TLE5: variants seen among roughly 807,000 people sequenced by gnomAD.
The protein encoded by TLE5 is TLE family member 5.
In TLE5, 7 loss-of-function variants were observed where a neutral mutation model predicts 25.8. The ratio of observed to expected loss-of-function variants is 0.27; its 90% CI spans 0.15 to 0.51. TLE5 has a LOEUF of 0.51. Among genes scored for constraint, TLE5 ranks in the 20% least tolerant of loss-of-function variants. The pLI is 0.97. For missense variants in TLE5, 149 were observed against 250.7 expected (o/e 0.59, Z 2.74); for synonymous variants, 132 against 110.5 (o/e 1.20, Z -1.22).
At chr19:3,060,040 C>T (rs554189864) in intron 2 of TLE5, among the ~76,000 whole-genome samples, 7 of 152,188 alleles carry the variant, frequency 4.6e-5, no homozygotes, top group African/African-American at 1.7e-4. Flanking sequence ...TCGAGATTCC[C>T]CTTTCTACTT....
chr19:3,055,516 G>A (rs1361801340), intron 5 of TLE5, 148 bp downstream of exon 5: 13 of 587,706 alleles, frequency 2.2e-5, no homozygotes, highest in Non-Finnish European at 3.3e-5. Context: ...TGCACAGGCC[G>A]GCTCTGGTGT....
At position 3,062,489 on chromosome 19, in the gene TLE5, C is replaced by T; in HGVS notation, c.-289G>A. ...CGCTATTGTCTAATGGCGGCGACGC[C>T]GGCAGTGGCCGCGGCTCGGCTGCTG... On this transcript the variant is annotated 5_prime_UTR_variant, in exon 1 of 7. Transcript: ENST00000327141. 1.1e-5 allele frequency: 7 copies of T among 623,398 alleles called. No homozygotes were observed. The highest frequency in any genetic ancestry group is 1.4e-5 in the Non-Finnish European group (7 of 502,034). 38.6% of individuals were successfully genotyped at this position (623,398 alleles called of 1,614,324 possible).
chr19:3,057,647 C>A (rs752286739), intron 3 of TLE5, 32 bp downstream of exon 3: 2 of 1,611,140 alleles, frequency 1.2e-6, no homozygotes. Flanking sequence ...CGCCCGCCCC[C>A]AACACTGGAC....
intron 6 of TLE5, 34 bp downstream of exon 6, chr19:3,054,086 T>TCCGGGGGGGGGC: frequency 2.0e-6 from 3 of 1,512,816 alleles, no homozygotes; most frequent in Non-Finnish European, 2.7e-6. Flanking sequence ...GGCCCACCTG[T>TCCGGGGGGGGGC]CCCCCGCCCA....
chr19:3,062,587 G>T (rs1372253867), upstream of TLE5: 1 of 959,280 alleles, frequency 1.0e-6, no homozygotes, highest in Admixed American at 6.0e-5. Context: ...CGCGCGCCCG[G>T]GGAGGCCTGC....
At position 3,062,246 on chromosome 19, in the gene TLE5, C is replaced by G. The variant is rs2090277995; in HGVS notation, c.-46G>C. On this transcript the variant is annotated 5_prime_UTR_variant, in exon 1 of 7. Coordinates refer to ENST00000327141, the MANE Select transcript of TLE5 (RefSeq NM_001130.6). Reference sequence around the variant, plus strand: ...CGGGCTGCGCCCCGGCTGTGCGCCCCGGCTCGGGCTGCTGGGGGCGCCGGG... The same window carrying G: ...CGGGCTGCGCCCCGGCTGTGCGCCCGGGCTCGGGCTGCTGGGGGCGCCGGG... The G allele has an allele frequency of 6.5e-6, 7 of 1,083,210 alleles. No individual in the cohort carries two copies. The South Asian group carries it at 1.7e-4, about 27-fold the overall frequency. The allele number at this position is 1,083,210 out of a possible 1,614,324, so 67.1% of individuals were successfully genotyped here. A position where few individuals can be genotyped will look rare whatever the true frequency, so the allele number is the denominator to read the frequency against.
intron 3 of TLE5, chr19:3,057,437 G>A (rs1056447155): frequency 1.9e-6 from 1 of 539,280 alleles, no homozygotes; most frequent in Non-Finnish European, 3.3e-6. Flanking sequence ...ACAGCCGGGG[G>A]ACCTGGCAGG....
chr19:3,054,086 T>TCCCC, intron 6 of TLE5, 34 bp downstream of exon 6: 2 of 1,512,818 alleles, frequency 1.3e-6, no homozygotes, highest in Admixed American at 2.1e-5. Flanking sequence ...GGCCCACCTG[T>TCCCC]CCCCCGCCCA....
chr19:3,062,651 G>A (rs1168045779), upstream of TLE5: 4 of 1,309,130 alleles, frequency 3.1e-6, no homozygotes, highest in Non-Finnish European at 3.9e-6. Context: ...GTGACCTTGG[G>A]CCCGGCCCGC....
In TLE5 at chr19:3,053,496, G is replaced by C. The variant is rs2090191049; in HGVS notation, c.*323C>G. ...CATGTTCAAAACGGGGGAAGGGCCG[G>C]GGCTGCTGCGCTTCGCGAGGTCTTG... On this transcript the variant is annotated 3_prime_UTR_variant, in exon 7 of 7. Coordinates refer to ENST00000327141, the MANE Select transcript of TLE5 (RefSeq NM_001130.6). The C allele has an allele frequency of 2.3e-6, 1 of 427,778 alleles. No individual in the cohort carries two copies. The highest frequency in any genetic ancestry group is 2.0e-5 in the African/African-American group (1 of 50,116). The allele number at this position is 427,778 out of a possible 1,614,324, so 26.5% of individuals were successfully genotyped here. A position where few individuals can be genotyped will look rare whatever the true frequency, so the allele number is the denominator to read the frequency against.
chr19:3,062,112 G>A, intron 1 of TLE5, 62 bp downstream of exon 1: 1 of 930,712 alleles, frequency 1.1e-6, no homozygotes, highest in Non-Finnish European at 1.4e-6. Context: ...CCGGGAGCCG[G>A]GGGTCGGGGG....
chr19:3,061,480 G>A, intron 1 of TLE5: 1 of 359,098 alleles, frequency 2.8e-6, no homozygotes, highest in South Asian at 3.4e-5. Flanking sequence ...CCCGTCCCCC[G>A]CCACCCCCAG....
Position 3,053,909 on chromosome 19 carries a change from C to T in TLE5, c.504G>A (p.Ala168=), listed in dbSNP as rs149586797. ...TGGAGAGGTGGGCCTGGGAACCCAG[C>T]GCGGACAGCGAGAGGAGGCCGGTGC... ...SAGTGLLSLS[A]LGSQAHLSKE... The change falls in exon 7 of 7, where the codon GCG becomes GCA. Residue 168 remains alanine (A), a synonymous_variant. Coordinates refer to ENST00000327141, the MANE Select transcript of TLE5 (RefSeq NM_001130.6). The T allele has an allele frequency of 3.3e-5, 53 of 1,613,088 alleles. No individual in the cohort carries two copies. The African/African-American group carries it at 4.0e-4, about 12-fold the overall frequency.
At chr19:3,058,869 C>T (rs2090241598) in intron 2 of TLE5, among the ~76,000 whole-genome samples, 1 of 152,142 alleles carries the variant, frequency 6.6e-6, no homozygotes, top group Admixed American at 6.6e-5. Flanking sequence ...GCCATCCCCA[C>T]CCCCTCTCGG....
Position 3,053,889 on chromosome 19 carries a change from A to T in TLE5, c.524T>A (p.Leu175His), listed in dbSNP as rs1409127188. ...SLSALGSQAH[L>H]SKEDKNGHDG... Reference sequence around the variant, plus strand: ...GTGCCCGTTCTTGTCTTCCTTGGAGAGGTGGGCCTGGGAACCCAGCGCGGA... The same window carrying T: ...GTGCCCGTTCTTGTCTTCCTTGGAGTGGTGGGCCTGGGAACCCAGCGCGGA... The change falls in exon 7 of 7, where the codon CTC becomes CAC. Residue 175 changes from leucine to histidine, a missense_variant. Physicochemically the swap from Leu to His is moderately conservative, Grantham distance 99 (BLOSUM62 -3). Transcript: ENST00000327141. 6.2e-7 allele frequency: 1 copy of T among 1,612,726 alleles called. No homozygotes were observed. The highest frequency in any genetic ancestry group is 8.5e-7 in the Non-Finnish European group (1 of 1,179,900).
At position 3,057,313 on chromosome 19, in the gene TLE5, G is replaced by A. The variant is rs2145259842; in HGVS notation, c.189+366C>T. Reference sequence around the variant, plus strand: ...TCGGGCCCAAAGGGGTTAAGCGTGTGGACGCTGGGACCTTGGCGGTGGGGA... The same window carrying A: ...TCGGGCCCAAAGGGGTTAAGCGTGTAGACGCTGGGACCTTGGCGGTGGGGA... On this transcript the variant is annotated intron_variant, in intron 3 of 6. Transcript: ENST00000327141. 1.3e-5 allele frequency: 4 copies of A among 302,414 alleles called. No individual in the cohort carries two copies. The East Asian group carries it at 3.2e-4, about 24-fold the overall frequency. 18.7% of individuals were successfully genotyped at this position (302,414 alleles called of 1,614,324 possible).
chr19:3,061,019 T>G, intron 2 of TLE5, 141 bp downstream of exon 2: 1 of 619,180 alleles, frequency 1.6e-6, no homozygotes, highest in Non-Finnish European at 2.9e-6. Context: ...AATAAATGAA[T>G]TCAGTATTTG....
At chr19:3,060,280 A>C (rs1052793611) in intron 2 of TLE5, among the ~76,000 whole-genome samples, 2 of 149,854 alleles carry the variant, frequency 1.3e-5, no homozygotes, top group African/African-American at 4.9e-5. Context: ...GACACCCCCG[A>C]GGAAATAACA....
rs2090277724 is a variant in TLE5 at position 3,062,229 on chromosome 19, G to C, written c.-29C>G. ...AATCGCGGCGGGGGGCGCGGGCTGC[G>C]CCCCGGCTGTGCGCCCCGGCTCGGG... On this transcript the variant is annotated 5_prime_UTR_variant, in exon 1 of 7. Transcript: ENST00000327141. The C allele has an allele frequency of 9.0e-7, 1 of 1,111,000 alleles. No homozygotes were observed. Among genetic ancestry groups the C allele is most frequent in the Non-Finnish European group, 1.1e-6 (1 of 909,414 alleles). The allele number at this position is 1,111,000 out of a possible 1,614,324, so 68.8% of individuals were successfully genotyped here.
Sources: gnomAD v4.1 joint callset for allele counts (sites outside exome capture counted in the v4.1 genomes callset) on GRCh38, gnomAD v4.1.1 for gene constraint, MANE v1.5 for transcripts, NCBI Gene and HGNC (gene_info 2026-07-23, HGNC 2026-07-21) for gene names.